The following GRM7 variants were observed in gnomAD, a reference collection of about 807,000 sequenced individuals.
The protein encoded by GRM7 is glutamate metabotropic receptor 7.
In GRM7, 35 loss-of-function variants were observed where a neutral mutation model predicts 84.5. The ratio of observed to expected loss-of-function variants is 0.41; its 90% CI spans 0.32 to 0.55. The LOEUF is 0.55. Ranked by LOEUF, GRM7 falls within the 20% of genes least tolerant of loss-of-function variation. The pLI, the probability that GRM7 is intolerant of heterozygous loss-of-function variation, is 0.19. For missense variants in GRM7, 1,003 were observed against 1,194.6 expected (o/e 0.84, Z 2.36); for synonymous variants, 487 against 455.1 (o/e 1.07, Z -0.89).
At chr3:7,309,144 C>A (rs900682368) in intron 4 of GRM7, among the ~76,000 whole-genome samples, 85 of 152,048 alleles carry the variant, frequency 5.6e-4, no homozygotes, top group Admixed American at 5.6e-3. Flanking sequence ...AGCCATATTG[C>A]CTAGGTACAT....
At chr3:7,412,285 G>T (rs918809874) in intron 4 of GRM7, among the ~76,000 whole-genome samples, 4 of 152,162 alleles carry the variant, frequency 2.6e-5, no homozygotes, top group African/African-American at 9.7e-5. Flanking sequence ...GACTAGTGTT[G>T]AGAAGGCAGC....
intron 9 of GRM7, among the ~76,000 whole-genome samples, chr3:7,713,770 C>G (rs1701673930): frequency 2.1e-5 from 3 of 141,454 alleles, no homozygotes; most frequent in South Asian, 4.6e-4. Context: ...GGGATGCTCT[C>G]AATTGGAAGA....
intron 4 of GRM7, among the ~76,000 whole-genome samples, chr3:7,369,214 AAAC>A (rs1442241477): frequency 6.6e-6 from 1 of 152,018 alleles, no homozygotes; most frequent in African/African-American, 2.4e-5. Flanking sequence ...GCTACTACAC[AAAC>A]AACTTTTTAA....
chr3:7,106,251 C>A (rs981415733), intron 1 of GRM7, among the ~76,000 whole-genome samples: 4 of 148,350 alleles, frequency 2.7e-5, no homozygotes, highest in African/African-American at 1.0e-4. Flanking sequence ...TCAGGAACAA[C>A]TTCAATAAAG....
At chr3:7,329,880 T>C (rs558480834) in intron 4 of GRM7, among the ~76,000 whole-genome samples, 3 of 152,310 alleles carry the variant, frequency 2.0e-5, no homozygotes, top group African/African-American at 7.2e-5. Context: ...AAACAGTGTT[T>C]TATTATAGAG....
chr3:6,960,874 A>G (rs554547949), intron 1 of GRM7, among the ~76,000 whole-genome samples: 3 of 152,206 alleles, frequency 2.0e-5, no homozygotes, highest in African/African-American at 7.2e-5. Flanking sequence ...GACATTTCTG[A>G]TTCAAAAAAC....
intron 5 of GRM7, among the ~76,000 whole-genome samples, chr3:7,416,659 A>G (rs1353109845): frequency 6.6e-6 from 1 of 152,166 alleles, no homozygotes; most frequent in Non-Finnish European, 1.5e-5. Flanking sequence ...TATGATGCAT[A>G]TATTAAAGGT....
At chr3:7,001,126 T>C (rs1281823515) in intron 1 of GRM7, among the ~76,000 whole-genome samples, 1 of 152,210 alleles carries the variant, frequency 6.6e-6, no homozygotes, top group Non-Finnish European at 1.5e-5. Context: ...TTTATAATCA[T>C]GCAAAGCCTT....
At chr3:7,075,937 T>A (rs1376075703) in intron 1 of GRM7, among the ~76,000 whole-genome samples, 1 of 109,340 alleles carries the variant, frequency 9.1e-6, no homozygotes, top group African/African-American at 5.9e-5. Context: ...TGACTTTTAA[T>A]TTTTTTTTTT....
At chr3:7,461,898 G>T (rs748156450) in intron 7 of GRM7, among the ~76,000 whole-genome samples, 176 bp downstream of exon 7, 23 of 152,162 alleles carry the variant, frequency 1.5e-4, no homozygotes, top group Admixed American at 5.2e-4. Context: ...TGATGACGAT[G>T]ATGGGAAATG....
chr3:7,442,648 C>G (rs1697337382), intron 5 of GRM7, among the ~76,000 whole-genome samples: 1 of 152,124 alleles, frequency 6.6e-6, no homozygotes, highest in Non-Finnish European at 1.5e-5. Context: ...CCACAACATG[C>G]CTAGGTTTCA....
intron 1 of GRM7, among the ~76,000 whole-genome samples, chr3:6,975,352 G>T (rs1693949141): frequency 6.6e-6 from 1 of 152,038 alleles, no homozygotes; most frequent in African/African-American, 2.4e-5. Context: ...CCAAATGATG[G>T]CTCTGTCTAA....
intron 1 of GRM7, among the ~76,000 whole-genome samples, chr3:7,084,100 G>A (rs1407909181): frequency 1.3e-5 from 2 of 152,248 alleles, no homozygotes; most frequent in Non-Finnish European, 2.9e-5. Flanking sequence ...TCTGAGCAGA[G>A]GAGTAACAAA....
chr3:7,272,283 C>T (rs547378464), intron 2 of GRM7, among the ~76,000 whole-genome samples: 3 of 152,246 alleles, frequency 2.0e-5, no homozygotes, highest in African/African-American at 7.2e-5. Context: ...TATGCATGCT[C>T]ATTTTCCACA....
chr3:7,531,897 C>T (rs1267261732), intron 7 of GRM7, among the ~76,000 whole-genome samples: 6 of 152,020 alleles, frequency 3.9e-5, no homozygotes, highest in Admixed American at 6.6e-5. Context: ...TCAAAGGGAA[C>T]GCTTCCACCT....
chr3:7,194,265 C>G (rs1040478742), intron 2 of GRM7, among the ~76,000 whole-genome samples: 1 of 152,122 alleles, frequency 6.6e-6, no homozygotes, highest in African/African-American at 2.4e-5. Context: ...GACAAGGTCT[C>G]TATTATCTCC....
chr3:7,694,827 CCTT>C (rs1325367709), intron 9 of GRM7, among the ~76,000 whole-genome samples: 2 of 152,134 alleles, frequency 1.3e-5, no homozygotes, highest in African/African-American at 4.8e-5. Context: ...CAAAAACAAA[CCTT>C]CTAAAGTACA....
At chr3:7,141,618 C>A (rs1453426019) in intron 1 of GRM7, among the ~76,000 whole-genome samples, 1 of 151,508 alleles carries the variant, frequency 6.6e-6, no homozygotes, top group Admixed American at 6.6e-5. Context: ...ACGTGATTAT[C>A]CATGATCATG....
rs561487882 is a variant in GRM7 at position 7,105,319 on chromosome 3, T to C, written c.520-41133T>C. ...TCCAAAATGAATGAAAAATAACTCA[T>C]ATTCTTTGTCTACAACCATCTATCC... On this transcript the variant is annotated intron_variant, in intron 1 of 9. Coordinates refer to ENST00000357716, the MANE Select transcript of GRM7 (RefSeq NM_000844.4). 2.0e-5 allele frequency among the ~76,000 whole-genome samples: 3 copies of C among 152,022 alleles called. No individual in the cohort carries two copies. In the South Asian group the frequency reaches 6.2e-4, roughly 31 times the overall value.
Sources: gnomAD v4.1 joint callset for allele counts (sites outside exome capture counted in the v4.1 genomes callset) on GRCh38, gnomAD v4.1.1 for gene constraint, MANE v1.5 for transcripts, NCBI Gene and HGNC (gene_info 2026-07-23, HGNC 2026-07-21) for gene names.